The following RANBP17 variants were observed in gnomAD, a reference collection of about 807,000 sequenced individuals.
RANBP17 encodes the protein RAN binding protein 17.
A neutral mutation model predicts 141.2 loss-of-function variants in RANBP17; 158 were observed. The observed-to-expected ratio is 1.12, with a 90% CI of 0.98 to 1.28. The LOEUF (loss-of-function observed/expected upper bound fraction) is 1.28. RANBP17 is among the 50% of genes most tolerant of loss of function. The pLI, the probability that RANBP17 is intolerant of heterozygous loss-of-function variation, is 0.00. For missense variants in RANBP17, 1,438 were observed against 1,290.7 expected (o/e 1.11, Z -1.75); for synonymous variants, 430 against 450.0 (o/e 0.96, Z 0.56).
chr5:171,015,685 G>A (rs931320400), intron 14 of RANBP17, among the ~76,000 whole-genome samples: 1 of 151,746 alleles, frequency 6.6e-6, no homozygotes, highest in South Asian at 2.1e-4. Context: ...TTTGAGATTT[G>A]TTCTGGGAAA....
intron 21 of RANBP17, among the ~76,000 whole-genome samples, chr5:171,219,394 G>A (rs913913646): frequency 6.6e-6 from 1 of 152,062 alleles, no homozygotes; most frequent in Admixed American, 6.6e-5. Context: ...CAAGGAGTGT[G>A]TTAGTGGTGT....
intron 14 of RANBP17, among the ~76,000 whole-genome samples, chr5:171,103,749 C>A (rs1016579181): frequency 3.9e-5 from 6 of 152,196 alleles, no homozygotes; most frequent in African/African-American, 1.4e-4. Context: ...CCGAGAGAAT[C>A]TCCTGGTCTG....
intron 21 of RANBP17, among the ~76,000 whole-genome samples, chr5:171,218,977 G>A (rs1285991337): frequency 6.6e-6 from 1 of 152,184 alleles, no homozygotes; most frequent in African/African-American, 2.4e-5. Context: ...AGTTGATGCA[G>A]TTTCTTCATA....
At chr5:171,213,799 C>A (rs1158578356) in intron 21 of RANBP17, 61 bp downstream of exon 21, 2 of 1,252,534 alleles carry the variant, frequency 1.6e-6, no homozygotes, top group South Asian at 1.2e-5. Flanking sequence ...CTCCAACAGT[C>A]AGACTTTCTT....
intron 18 of RANBP17, among the ~76,000 whole-genome samples, chr5:171,186,041 C>A (rs1031737094): frequency 2.6e-5 from 4 of 152,108 alleles, no homozygotes; most frequent in Non-Finnish European, 5.9e-5. Flanking sequence ...AGAGCACAGG[C>A]AGAGTAGATT....
chr5:171,184,491 A>G (rs909172092), intron 18 of RANBP17, among the ~76,000 whole-genome samples: 4 of 151,582 alleles, frequency 2.6e-5, no homozygotes, highest in Admixed American at 2.6e-4. Flanking sequence ...CTTTGAGGTG[A>G]TGCTGGTCAA....
chr5:171,014,812 G>C (rs1780322021), intron 14 of RANBP17, among the ~76,000 whole-genome samples: 1 of 151,768 alleles, frequency 6.6e-6, no homozygotes, highest in African/African-American at 2.4e-5. Flanking sequence ...CTTTCTGAAG[G>C]GTTTCTTGTA....
intron 14 of RANBP17, among the ~76,000 whole-genome samples, chr5:171,084,003 C>T (rs1785440917): frequency 6.7e-6 from 1 of 148,582 alleles, no homozygotes; most frequent in Non-Finnish European, 1.5e-5. Flanking sequence ...GGTACATGTG[C>T]ACATTGTGCA....
At chr5:171,232,668 A>T (rs1288665050) in intron 22 of RANBP17, among the ~76,000 whole-genome samples, 2 of 152,258 alleles carry the variant, frequency 1.3e-5, no homozygotes, top group South Asian at 2.1e-4. Flanking sequence ...AGTTTAGTGT[A>T]TGTGCCCTTC....
intron 14 of RANBP17, among the ~76,000 whole-genome samples, chr5:171,030,601 T>A (rs1221783920): frequency 6.6e-6 from 1 of 152,058 alleles, no homozygotes; most frequent in African/African-American, 2.4e-5. Context: ...GTATGTGCAT[T>A]GTATGAGTAT....
chr5:171,088,235 G>A (rs943442901), intron 14 of RANBP17, among the ~76,000 whole-genome samples: 1 of 151,762 alleles, frequency 6.6e-6, no homozygotes, highest in African/African-American at 2.4e-5. Context: ...GCTTAGTTTG[G>A]CTGGATATGA....
chr5:171,060,081 T>G, intron 14 of RANBP17, among the ~76,000 whole-genome samples: 1 of 59,146 alleles, frequency 1.7e-5, no homozygotes, highest in Non-Finnish European at 3.5e-5. Context: ...CAATGGGGTT[T>G]TCTAGATATA....
chr5:171,057,153 T>C (rs1277433967), intron 14 of RANBP17, among the ~76,000 whole-genome samples: 5 of 152,166 alleles, frequency 3.3e-5, no homozygotes, highest in Admixed American at 6.6e-5. Context: ...AAGAAAATTC[T>C]GGTGTGCTTT....
chr5:170,982,995 A>G (rs137873805), intron 14 of RANBP17: 2 of 400,320 alleles, frequency 5.0e-6, no homozygotes, highest in Admixed American at 3.9e-5. Context: ...AAACTTAAGT[A>G]TGAAAATAGA....
At chr5:170,939,875 C>T (rs180982042) in intron 12 of RANBP17, among the ~76,000 whole-genome samples, 1 of 152,216 alleles carries the variant, frequency 6.6e-6, no homozygotes. Flanking sequence ...GGCAGCACTT[C>T]AAGGGTAACA....
chr5:170,938,802 G>T (rs888710708), intron 12 of RANBP17, among the ~76,000 whole-genome samples: 20 of 152,072 alleles, frequency 1.3e-4, no homozygotes, highest in Admixed American at 5.9e-4. Flanking sequence ...TAAAAGAGAC[G>T]TTAAAGGATG....
chr5:171,111,195 A>G (rs1755203258), intron 14 of RANBP17, among the ~76,000 whole-genome samples: 1 of 152,114 alleles, frequency 6.6e-6, no homozygotes, highest in Non-Finnish European at 1.5e-5. Context: ...AACTCAAAAT[A>G]TTCTTTATGC....
intron 22 of RANBP17, among the ~76,000 whole-genome samples, chr5:171,236,933 A>G (rs544500142): frequency 3.9e-5 from 6 of 152,252 alleles, no homozygotes; most frequent in African/African-American, 1.2e-4. Context: ...TTACAATATT[A>G]TCTTATTATG....
intron 27 of RANBP17, among the ~76,000 whole-genome samples, chr5:171,296,551 C>T (rs1039633512): frequency 1.3e-5 from 2 of 152,228 alleles, no homozygotes; most frequent in Non-Finnish European, 2.9e-5. Context: ...TTGATCATTA[C>T]ACATTCTGTG....
Sources: gnomAD v4.1 joint callset for allele counts (sites outside exome capture counted in the v4.1 genomes callset) on GRCh38, gnomAD v4.1.1 for gene constraint, MANE v1.5 for transcripts, NCBI Gene and HGNC (gene_info 2026-07-23, HGNC 2026-07-21) for gene names.